Variants in NRP1 observed in about 807,000 individuals in gnomAD.
NRP1 encodes the protein neuropilin 1.
NRP1 carries 35 observed loss-of-function variants against 106.7 expected under a neutral mutation model. The ratio of observed to expected loss-of-function variants is 0.33; its 90% confidence interval spans 0.25 to 0.43. NRP1 has a LOEUF of 0.43. Ranked by LOEUF, NRP1 falls within the 20% of genes least tolerant of loss-of-function variation. The pLI is 1.00. For missense variants in NRP1, 1,024 were observed against 1,170.4 expected (o/e 0.87, Z 1.83); for synonymous variants, 437 against 417.9 (o/e 1.05, Z -0.56).
At position 33,234,740 on chromosome 10, in the gene NRP1, T is replaced by C. The variant is rs185909216; in HGVS notation, c.982-8451A>G. Among the ~76,000 whole-genome samples, 584 of 152,342 alleles carry C rather than the reference T, an allele frequency of 3.8e-3. 5 individuals are homozygous for C. Among genetic ancestry groups the C allele is most frequent in the Non-Finnish European group, 5.3e-3 (358 of 68,036 alleles). ...TTTTAGTCTTAATTGCCTGAATTAA[T>C]GCCTTTTTCCATAGTTAAATTAAAG... On this transcript the variant is annotated intron_variant, in intron 6 of 16. Coordinates refer to ENST00000374867, the MANE Select transcript of NRP1 (RefSeq NM_003873.7).
Position 33,179,208 on chromosome 10 carries a change from A to C in NRP1, c.*868T>G, listed in dbSNP as rs2132556845. The C allele has an allele frequency of 6.5e-6, 1 of 152,798 alleles. No homozygotes were observed. The highest frequency in any genetic ancestry group is 2.4e-5 in the African/African-American group (1 of 41,592). 9.5% of individuals were successfully genotyped at this position (152,798 alleles called of 1,614,324 possible). ...CGGAGGGGCTGGCATCTCACACGAAAATAAACTTTCTTCTTAGTCAGTGGG... is the reference window on the plus strand; with the variant it reads ...CGGAGGGGCTGGCATCTCACACGAACATAAACTTTCTTCTTAGTCAGTGGG... On this transcript the variant is annotated 3_prime_UTR_variant, in exon 17 of 17. Transcript: ENST00000374867.
At chr10:33,215,537 G>T (rs2254826) in intron 8 of NRP1, among the ~76,000 whole-genome samples, 70,831 of 152,056 alleles carry the variant, frequency 0.47, 16,809 homozygotes, top group East Asian at 0.74. Flanking sequence ...AACACTTCAA[G>T]TATTTTCCTT....
At chr10:33,306,355 GGTGT>G (rs61242197) in intron 2 of NRP1, among the ~76,000 whole-genome samples, 3,917 of 148,116 alleles carry the variant, frequency 0.026, 148 homozygotes, top group African/African-American at 0.091. Flanking sequence ...GGGTCAGAAG[GGTGT>G]GTGTGTGTGT....
chr10:33,276,801 G>C (rs1275953566), intron 2 of NRP1, among the ~76,000 whole-genome samples: 1 of 152,138 alleles, frequency 6.6e-6, no homozygotes, highest in East Asian at 1.9e-4. Flanking sequence ...TGTGTGCTTA[G>C]AGCATCTTGG....
intron 2 of NRP1, among the ~76,000 whole-genome samples, chr10:33,280,937 C>G (rs1026228196): frequency 6.6e-6 from 1 of 150,422 alleles, no homozygotes; most frequent in Non-Finnish European, 1.5e-5. Flanking sequence ...CACCACTGAA[C>G]TTCAGCCTGG....
intron 6 of NRP1, among the ~76,000 whole-genome samples, chr10:33,241,607 C>G (rs888867996): frequency 2.6e-5 from 4 of 151,738 alleles, no homozygotes; most frequent in African/African-American, 9.7e-5. Flanking sequence ...AGGTGAAATG[C>G]CTTTTTGGTG....
chr10:33,317,908 C>T (rs932460283), intron 2 of NRP1, among the ~76,000 whole-genome samples: 1 of 152,194 alleles, frequency 6.6e-6, no homozygotes, highest in Non-Finnish European at 1.5e-5. Context: ...TGTGTATGTG[C>T]AGTGCCTTGG....
chr10:33,235,071 A>G (rs1840453809), intron 6 of NRP1, among the ~76,000 whole-genome samples: 1 of 152,222 alleles, frequency 6.6e-6, no homozygotes, highest in South Asian at 2.1e-4. Flanking sequence ...ATCTGGATTT[A>G]TAACACATTC....
At chr10:33,263,110 C>T (rs1842684685) in intron 4 of NRP1, among the ~76,000 whole-genome samples, 1 of 152,142 alleles carries the variant, frequency 6.6e-6, no homozygotes, top group Non-Finnish European at 1.5e-5. Context: ...GTACAGGGAA[C>T]CTGTCTAAAT....
rs1371595292 is a variant in NRP1 at position 33,179,975 on chromosome 10, AAC to A, written c.*99_*100del. 2 of 1,265,118 alleles carry A rather than the reference AAC, an allele frequency of 1.6e-6. No individual in the cohort carries two copies. Among genetic ancestry groups the A allele is most frequent in the Non-Finnish European group, 2.2e-6 (2 of 895,722 alleles). 78.4% of individuals were successfully genotyped at this position (1,265,118 alleles called of 1,614,324 possible). On this transcript the variant is annotated 3_prime_UTR_variant, in exon 17 of 17. Coordinates refer to ENST00000374867, the MANE Select transcript of NRP1 (RefSeq NM_003873.7). ...AGAAAAGCCTGGCTCAGTGGTCATC[AAC>A]ACACTTCCCAGCCTGTATAGTGAAA... is the stretch of plus-strand genomic sequence containing the variant.
intron 16 of NRP1, 42 bp downstream of exon 16, chr10:33,182,656 A>G (rs1051873418): frequency 3.0e-6 from 4 of 1,342,430 alleles, no homozygotes; most frequent in Admixed American, 3.4e-5. Flanking sequence ...AATGAAAGCC[A>G]TAGTAAAATT....
chr10:33,300,747 T>C (rs1480573753), intron 2 of NRP1, among the ~76,000 whole-genome samples: 1 of 152,208 alleles, frequency 6.6e-6, no homozygotes, highest in Non-Finnish European at 1.5e-5. Flanking sequence ...TTGTCTCTTA[T>C]CTACCTTTGA....
intron 15 of NRP1, among the ~76,000 whole-genome samples, chr10:33,183,263 G>C (rs1835799939): frequency 1.3e-5 from 2 of 151,720 alleles, no homozygotes; most frequent in South Asian, 4.2e-4. Context: ...CCATGATGGT[G>C]CCACTGCACT....
chr10:33,203,734 T>TC (rs1227416103), intron 10 of NRP1, among the ~76,000 whole-genome samples: 1 of 88,326 alleles, frequency 1.1e-5, no homozygotes, highest in African/African-American at 3.4e-5. Context: ...TTTTTTTTTT[T>TC]TTTTTTTTTT....
intron 2 of NRP1, among the ~76,000 whole-genome samples, chr10:33,273,016 T>A (rs1055332222): frequency 3.5e-5 from 5 of 144,566 alleles, no homozygotes; most frequent in Admixed American, 3.0e-4. Context: ...TTAATTCACA[T>A]ATCCTCCAAT....
chr10:33,227,124 T>C (rs1839737845), intron 6 of NRP1, among the ~76,000 whole-genome samples: 1 of 152,232 alleles, frequency 6.6e-6, no homozygotes, highest in Non-Finnish European at 1.5e-5. Flanking sequence ...TTTCTCACTG[T>C]TGCAACCAGG....
chr10:33,182,623 CCACAAAG>C, intron 16 of NRP1, 68 bp downstream of exon 16: 16 of 1,032,780 alleles, frequency 1.5e-5, no homozygotes, highest in Non-Finnish European at 2.2e-5. Context: ...TATTAGAGTT[CCACAAAG>C]TTTCTTCATA....
Position 33,331,182 on chromosome 10 carries a change from T to C in NRP1, c.74-300A>G, listed in dbSNP as rs61758240. On this transcript the variant is annotated intron_variant, in intron 1 of 16. Transcript: ENST00000374867. ...CATTAAAAACATTAAATCCCCTCAA[T>C]TGATGTTAACATGGTCCCCTGGGAG... is the stretch of plus-strand genomic sequence containing the variant. Among the ~76,000 whole-genome samples the C allele has an allele frequency of 8.9e-3, 1,361 of 152,268 alleles. 15 individuals are homozygous for C. The highest frequency in any genetic ancestry group is 0.03 in the African/African-American group (1,263 of 41,552).
intron 16 of NRP1, among the ~76,000 whole-genome samples, chr10:33,181,790 G>A (rs968953304): frequency 2.6e-5 from 4 of 152,234 alleles, no homozygotes; most frequent in Non-Finnish European, 5.9e-5. Context: ...TAGAGCTGCT[G>A]TGAGGATTAA....
Sources: allele counts gnomAD v4.1 joint callset (sites outside exome capture counted in the v4.1 genomes callset), GRCh38; gene constraint gnomAD v4.1.1; transcripts MANE v1.5; gene names NCBI Gene and HGNC (gene_info 2026-07-23, HGNC 2026-07-21).